ZBTB1: variants seen among roughly 807,000 people sequenced by gnomAD.
ZBTB1 encodes the protein zinc finger and BTB domain-containing protein 1.
A neutral mutation model predicts 51.6 loss-of-function variants in ZBTB1; 13 were observed. The observed-to-expected ratio is 0.25, with a 90% CI of 0.16 to 0.40. ZBTB1 has a LOEUF of 0.40. ZBTB1 is among the 10% of genes least tolerant of loss of function. ZBTB1 has a pLI of 1.00. For synonymous variants in ZBTB1, 240 were observed against 282.2 expected (o/e 0.85, Z 1.50); for missense variants, 567 against 856.5 (o/e 0.66, Z 4.22).
At chr14:64,513,891 C>T (rs2079752731) in intron 1 of ZBTB1, among the ~76,000 whole-genome samples, 1 of 152,166 alleles carries the variant, frequency 6.6e-6, no homozygotes, top group Non-Finnish European at 1.5e-5. Flanking sequence ...AACTCCTGAC[C>T]TCAGGTGATC....
rs778515455 is a variant in ZBTB1 at position 64,522,321 on chromosome 14, T to A, written c.817T>A (p.Ser273Thr). 1 of 1,614,164 alleles carries A rather than the reference T, an allele frequency of 6.2e-7. No homozygotes were observed. Among genetic ancestry groups the A allele is most frequent in the South Asian group, 1.1e-5 (1 of 91,066 alleles). Residue 273 changes from serine (S) to threonine (T), a missense_variant, in exon 2 of 2, where the codon TCT becomes ACT. Ser to Thr is a moderately conservative substitution (Grantham distance 58, BLOSUM62 1). Coordinates refer to ENST00000683701, the MANE Select transcript of ZBTB1 (RefSeq NM_001123329.2). The stretch of plus-strand genomic sequence containing the variant: ...CAAAGCTGAATTTGGTGAAAAAGAT[T>A]CTTCCAAAACATTTTCTGCACAGAC... ...NIKAEFGEKD[S>T]SKTFSAQTDK...
At chr14:64,529,471 A>T (rs2079927430), downstream of ZBTB1, among the ~76,000 whole-genome samples, 1 of 152,344 alleles carries the variant, frequency 6.6e-6, no homozygotes, top group Middle Eastern at 3.4e-3. Flanking sequence ...GATTATGTGG[A>T]TAAGAAATTC....
At chr14:64,530,067 T>A (rs976756577) in intron 2 of ZBTB1, among the ~76,000 whole-genome samples, 1 of 152,190 alleles carries the variant, frequency 6.6e-6, no homozygotes, top group Non-Finnish European at 1.5e-5. Context: ...AAAAGGTTAT[T>A]TAATGGTTTA....
chr14:64,519,459 TAAAAA>T (rs113744354), intron 1 of ZBTB1, among the ~76,000 whole-genome samples: 2 of 135,054 alleles, frequency 1.5e-5, no homozygotes, highest in Non-Finnish European at 3.2e-5. Flanking sequence ...TTTTAACAAT[TAAAAA>T]AAAAAAAAAA....
Position 64,524,655 on chromosome 14 carries a change from T to G in ZBTB1, c.*1009T>G. On this transcript the variant is annotated 3_prime_UTR_variant, in exon 2 of 2. Transcript: ENST00000683701. ...AAGAGATCAATTATAAACCTGGTTG[T>G]TCTATAAAAGTAGAGTGCACAAAAA... The G allele has an allele frequency of 1.0e-6, 1 of 984,718 alleles. No homozygotes were observed. The highest frequency in any genetic ancestry group is 1.2e-6 in the Non-Finnish European group (1 of 829,272). The allele number at this position is 984,718 out of a possible 1,614,324, so 61.0% of individuals were successfully genotyped here.
chr14:64,513,445 G>C (rs1163066090), intron 1 of ZBTB1, among the ~76,000 whole-genome samples: 1 of 152,030 alleles, frequency 6.6e-6, no homozygotes, highest in Non-Finnish European at 1.5e-5. Flanking sequence ...CTTCTGTCCT[G>C]TTACATTTCC....
chr14:64,532,029 A>G, exon 3 of ZBTB1: 1 of 1,109,454 alleles, frequency 9.0e-7, no homozygotes, highest in Admixed American at 2.9e-5. Flanking sequence ...CATCAACCCA[A>G]AAAGTTCCAG....
In ZBTB1 at chr14:64,523,431, A is replaced by G. The variant is rs1049408140; in HGVS notation, c.1927A>G (p.Asn643Asp). 1 of 1,614,214 alleles carries G rather than the reference A, an allele frequency of 6.2e-7. No homozygotes were observed. Among genetic ancestry groups the G allele is most frequent in the Non-Finnish European group, 8.5e-7 (1 of 1,180,006 alleles). ...RYVCSICDQG[N>D]FRKHDHVRHM... ...TGTCTGTTCCATTTGTGATCAAGGAAACTTCAGAAAACATGACCATGTACG... is the reference window on the plus strand; with the variant it reads ...TGTCTGTTCCATTTGTGATCAAGGAGACTTCAGAAAACATGACCATGTACG... The change falls in exon 2 of 2, where the codon AAC (asparagine) becomes GAC (aspartate). Residue 643 changes from asparagine (N) to aspartate (D), a missense_variant. Physicochemically the swap from Asn to Asp is conservative, Grantham distance 23. Around this residue, in one of 5 missense-constraint regions of ZBTB1, gnomAD observed 69 missense variants for 171.8 expected, o/e 0.40. Coordinates refer to ENST00000683701, the MANE Select transcript of ZBTB1 (RefSeq NM_001123329.2). This position sits in a 1 kb window ranked among gnomAD's most constrained non-coding sequence, Gnocchi z 4.5.
At chr14:64,518,904 G>GTATA (rs71123855) in intron 1 of ZBTB1, among the ~76,000 whole-genome samples, 11,064 of 94,740 alleles carry the variant, frequency 0.12, 964 homozygotes, top group African/African-American at 0.18. Flanking sequence ...TTGCAGAGAG[G>GTATA]TATATATATA....
At chr14:64,505,005 C>T in intron 1 of ZBTB1, 59 bp downstream of exon 1, 1 of 388,968 alleles carries the variant, frequency 2.6e-6, no homozygotes. Flanking sequence ...CGGAGGGCGA[C>T]GGGCCGCGGG....
chr14:64,505,034 C>G (rs994428513), intron 1 of ZBTB1, 88 bp downstream of exon 1: 9 of 380,012 alleles, frequency 2.4e-5, no homozygotes, highest in East Asian at 2.3e-4. Flanking sequence ...AGTGCGGGGC[C>G]GGAGGGGCGC....
chr14:64,517,782 T>TATATATATATATATATATATA (rs1491377695), intron 1 of ZBTB1, among the ~76,000 whole-genome samples: 3 of 34,816 alleles, frequency 8.6e-5, no homozygotes, highest in African/African-American at 3.0e-4. Context: ...TATATATATA[T>TATATATATATATATATATATA]TTTTTTTTTT....
downstream of ZBTB1, among the ~76,000 whole-genome samples, chr14:64,528,253 T>C (rs2079918053): frequency 6.6e-6 from 1 of 151,962 alleles, no homozygotes; most frequent in African/African-American, 2.4e-5. Context: ...TCTGAGTGTA[T>C]GTGCACACAT....
At chr14:64,505,728 A>G (rs538110486) in intron 1 of ZBTB1, among the ~76,000 whole-genome samples, 1 of 152,346 alleles carries the variant, frequency 6.6e-6, no homozygotes, top group East Asian at 1.9e-4. Context: ...AATTGGGCGA[A>G]TCAGGAAGAG....
At chr14:64,520,897 C>T (rs543961846) in intron 1 of ZBTB1, among the ~76,000 whole-genome samples, 215 of 149,720 alleles carry the variant, frequency 1.4e-3, no homozygotes, top group African/African-American at 5.0e-3. Context: ...GAGTCTTGCT[C>T]TGTCATCCAG....
chr14:64,528,215 A>G (rs1267476383), downstream of ZBTB1, among the ~76,000 whole-genome samples: 4 of 152,180 alleles, frequency 2.6e-5, no homozygotes, highest in Non-Finnish European at 5.9e-5. Context: ...TGTTAACAAA[A>G]AGCCAAATCA....
chr14:64,525,799 C>T (rs2079899510), downstream of ZBTB1, among the ~76,000 whole-genome samples: 1 of 151,966 alleles, frequency 6.6e-6, no homozygotes, highest in Admixed American at 6.6e-5. Flanking sequence ...GAAAGCCATA[C>T]CTCAACTTAT....
intron 1 of ZBTB1, among the ~76,000 whole-genome samples, chr14:64,514,863 C>G (rs2079764608): frequency 6.6e-6 from 1 of 152,148 alleles, no homozygotes; most frequent in South Asian, 2.1e-4. Flanking sequence ...GTCAGGAGTC[C>G]TTAGTCCTAG....
At position 64,521,476 on chromosome 14, in the gene ZBTB1, G is replaced by A. The variant is rs2079859353; in HGVS notation, c.-18-11G>A. The A allele has an allele frequency of 6.5e-7, 1 of 1,536,554 alleles. No individual in the cohort carries two copies. Among genetic ancestry groups the A allele is most frequent in the Non-Finnish European group, 8.7e-7 (1 of 1,145,038 alleles). On this transcript the variant is annotated splice_polypyrimidine_tract_variant and intron_variant, in intron 1 of 1. Coordinates refer to ENST00000683701, the MANE Select transcript of ZBTB1 (RefSeq NM_001123329.2). ...TATCTTGTTTGACTTTAATATTTTT[G>A]TTTTACATAGGTCTCTAATTAACAG...
Sources: allele counts gnomAD v4.1 joint callset (sites outside exome capture counted in the v4.1 genomes callset), GRCh38; gene constraint gnomAD v4.1.1; regional missense constraint gnomAD v4.1.1; non-coding constraint Gnocchi (gnomAD v3.1); transcripts MANE v1.5; gene names NCBI Gene and HGNC (gene_info 2026-07-23, HGNC 2026-07-21).